Variants in SLC9B1 observed in about 807,000 individuals in gnomAD.
SLC9B1 encodes sodium/hydrogen exchanger 9B1.
SLC9B1 carries 32 observed loss-of-function variants against 51.7 expected under a neutral mutation model. The observed-to-expected ratio is 0.62, with a 90% confidence interval of 0.47 to 0.83. The LOEUF (loss-of-function observed/expected upper bound fraction) is 0.83, where lower values mean the gene tolerates loss of function less well. Among genes scored for constraint, SLC9B1 ranks in the 40% least tolerant of loss-of-function variants. The pLI is 0.00. For missense variants in SLC9B1, 406 were observed against 613.2 expected (o/e 0.66, Z 3.57); for synonymous variants, 145 against 212.7 (o/e 0.68, Z 2.77).
intron 3 of SLC9B1, among the ~76,000 whole-genome samples, chr4:102,973,711 GA>G (rs1398720841): frequency 6.6e-6 from 1 of 151,830 alleles, no homozygotes; most frequent in Non-Finnish European, 1.5e-5. Context: ...ATTTATAATA[GA>G]AAAAAATGTA....
rs546795523 is a variant in SLC9B1, at chr4:102,978,579, G to A, written c.211+11221C>T. Among the ~76,000 whole-genome samples the A allele has an allele frequency of 1.4e-3, 208 of 152,238 alleles. No homozygotes were observed. In the Middle Eastern group the frequency reaches 0.017, roughly 12 times the overall value. ...CATGAAAAAATGCTCAATATCACTGGCCATCAAAGAAATGCAAATCGAAAC... is the reference window on the plus strand; with the variant it reads ...CATGAAAAAATGCTCAATATCACTGACCATCAAAGAAATGCAAATCGAAAC... On this transcript the variant is annotated intron_variant, in intron 3 of 11. Transcript: ENST00000296422.
chr4:102,970,305 C>A (rs1418911985), intron 3 of SLC9B1, among the ~76,000 whole-genome samples: 1 of 152,176 alleles, frequency 6.6e-6, no homozygotes, highest in Non-Finnish European at 1.5e-5. Context: ...AGAAACCCTA[C>A]AAGCCAGAAG....
chr4:103,002,493 AAG>A (rs1199825005), intron 1 of SLC9B1, among the ~76,000 whole-genome samples: 2 of 152,382 alleles, frequency 1.3e-5, no homozygotes, highest in Non-Finnish European at 2.9e-5. Flanking sequence ...CTACCAAGAA[AAG>A]AGAAAAAAAT....
chr4:102,988,366 T>C (rs1156682186), intron 3 of SLC9B1, among the ~76,000 whole-genome samples: 1 of 152,138 alleles, frequency 6.6e-6, no homozygotes, highest in Non-Finnish European at 1.5e-5. Flanking sequence ...AGTTTAGATT[T>C]CTTATTTAAA....
At chr4:102,929,949 G>C (rs1337000664) in intron 7 of SLC9B1, among the ~76,000 whole-genome samples, 1 of 152,204 alleles carries the variant, frequency 6.6e-6, no homozygotes, top group Non-Finnish European at 1.5e-5. Flanking sequence ...TAAAAAGAGT[G>C]AGAAAATTAA....
Position 102,901,196 on chromosome 4 carries a change from A to C in SLC9B1, c.1469T>G (p.Ile490Ser), listed in dbSNP as rs150354484. The change falls in exon 12 of 12, where the codon ATT (isoleucine) becomes AGT (serine). Residue 490 changes from isoleucine (I) to serine (S), a missense_variant. Transcript: ENST00000296422. Reference protein sequence around the residue: ...TAPNGALLMGILGPKMLTRHY... With the variant: ...TAPNGALLMGSLGPKMLTRHY... Reference sequence around the variant, plus strand: ...GCGTGTAAGCATTTTAGGCCCCAGAATGCCCATAAGTAGAGCTCCATTTGG... The same window carrying C: ...GCGTGTAAGCATTTTAGGCCCCAGACTGCCCATAAGTAGAGCTCCATTTGG... The C allele has an allele frequency of 1.5e-4, 239 of 1,611,854 alleles. No individual in the cohort carries two copies. The highest frequency in any genetic ancestry group is 7.3e-4 in the Admixed American group (44 of 59,986).
At chr4:102,972,335 T>C (rs979149292) in intron 3 of SLC9B1, among the ~76,000 whole-genome samples, 6 of 152,174 alleles carry the variant, frequency 3.9e-5, no homozygotes, top group Non-Finnish European at 8.8e-5. Context: ...CCTGGGTCAA[T>C]ATACACAAAT....
chr4:102,902,455 T>A (rs562845281), intron 11 of SLC9B1, among the ~76,000 whole-genome samples: 1 of 152,210 alleles, frequency 6.6e-6, no homozygotes, highest in Non-Finnish European at 1.5e-5. Context: ...AAAAAGATAA[T>A]CATGCAGAAA....
chr4:102,924,879 G>T (rs565230112), intron 7 of SLC9B1, among the ~76,000 whole-genome samples: 1 of 152,244 alleles, frequency 6.6e-6, no homozygotes, highest in African/African-American at 2.4e-5. Context: ...CAATTAGAAT[G>T]GTGATCATTA....
At chr4:102,916,800 T>C (rs1161733525) in intron 7 of SLC9B1, among the ~76,000 whole-genome samples, 4 of 152,196 alleles carry the variant, frequency 2.6e-5, no homozygotes, top group African/African-American at 9.7e-5. Flanking sequence ...GTAATAAATA[T>C]GTGGAAATTA....
chr4:102,995,364 G>A (rs1187568247), intron 1 of SLC9B1, among the ~76,000 whole-genome samples: 1 of 152,124 alleles, frequency 6.6e-6, no homozygotes, highest in East Asian at 1.9e-4. Context: ...CCTAAATGAG[G>A]AGAAGCTGTG....
chr4:102,941,958 G>A (rs185064308), intron 6 of SLC9B1, among the ~76,000 whole-genome samples: 5 of 152,164 alleles, frequency 3.3e-5, no homozygotes, highest in Admixed American at 2.0e-4. Context: ...ATTCAGTAAC[G>A]TTTCAGGATA....
In SLC9B1 at chr4:102,950,352, A is replaced by G. The variant is rs191047890; in HGVS notation, c.212-925T>C. On this transcript the variant is annotated intron_variant, in intron 3 of 11. Transcript: ENST00000296422. ...GTAGAGGTAGATAAGATGAGTAGGTATAAGTTACTAGACATCTTGTTTCTG... is the reference window on the plus strand; with the variant it reads ...GTAGAGGTAGATAAGATGAGTAGGTGTAAGTTACTAGACATCTTGTTTCTG... 1.4e-3 allele frequency among the ~76,000 whole-genome samples: 211 copies of G among 152,368 alleles called. No individual in the cohort carries two copies. The Middle Eastern group carries it at 0.017, about 12-fold the overall frequency.
At chr4:102,921,956 A>T (rs1735902131) in intron 7 of SLC9B1, among the ~76,000 whole-genome samples, 1 of 152,204 alleles carries the variant, frequency 6.6e-6, no homozygotes, top group African/African-American at 2.4e-5. Flanking sequence ...CCACACAATA[A>T]TAATGGGAGA....
intron 3 of SLC9B1, among the ~76,000 whole-genome samples, chr4:102,971,275 C>G (rs564853807): frequency 6.6e-6 from 1 of 152,112 alleles, no homozygotes; most frequent in African/African-American, 2.4e-5. Flanking sequence ...GAACAGAAAT[C>G]ACAACAAACT....
rs144981502 is a variant in SLC9B1, at chr4:103,015,838, T to C, written c.-2+3761A>G. Among the ~76,000 whole-genome samples, 3 of 152,180 alleles carry C rather than the reference T, an allele frequency of 2.0e-5. No individual in the cohort carries two copies. The East Asian group carries it at 5.8e-4, about 29-fold the overall frequency. ...CTGTCTTTCTTCTTACCAGAAATTATACGTTCATGTGGTTGGGTGCGGTGG... is the reference window on the plus strand; with the variant it reads ...CTGTCTTTCTTCTTACCAGAAATTACACGTTCATGTGGTTGGGTGCGGTGG... On this transcript the variant is annotated intron_variant, in intron 1 of 11. Transcript: ENST00000296422.
chr4:102,906,508 A>T, intron 10 of SLC9B1, 28 bp downstream of exon 10: 1 of 1,140,632 alleles, frequency 8.8e-7, no homozygotes. Flanking sequence ...TTTGAATTTC[A>T]TATTTTTTGT....
chr4:102,930,262 T>G (rs1736383497), intron 7 of SLC9B1, among the ~76,000 whole-genome samples: 1 of 152,206 alleles, frequency 6.6e-6, no homozygotes, highest in Non-Finnish European at 1.5e-5. Context: ...ATGACAAGTT[T>G]ATGTACCCTG....
intron 1 of SLC9B1, among the ~76,000 whole-genome samples, chr4:103,000,868 A>G (rs1425704976): frequency 6.6e-6 from 1 of 152,192 alleles, no homozygotes; most frequent in African/African-American, 2.4e-5. Context: ...CTCTTCTCAC[A>G]GCTCCACTAG....
Sources: allele counts gnomAD v4.1 joint callset (sites outside exome capture counted in the v4.1 genomes callset), GRCh38; gene constraint gnomAD v4.1.1; transcripts MANE v1.5; gene names NCBI Gene and HGNC (gene_info 2026-07-23, HGNC 2026-07-21).